The following FRMD5 variants were observed in gnomAD, a reference collection of about 807,000 sequenced individuals.
The protein encoded by FRMD5 is FERM domain containing 5.
In FRMD5, 20 loss-of-function variants were observed where a neutral mutation model predicts 69.0. The observed-to-expected ratio is 0.29, with a 90% CI of 0.20 to 0.42. The LOEUF is 0.42. Among genes scored for constraint, FRMD5 ranks in the 10% least tolerant of loss-of-function variants. The pLI is 1.00. For synonymous variants in FRMD5, 271 were observed against 260.1 expected (o/e 1.04, Z -0.40); for missense variants, 595 against 708.6 (o/e 0.84, Z 1.82).
chr15:43,963,167 G>A (rs1460478980), intron 1 of FRMD5, among the ~76,000 whole-genome samples: 1 of 151,988 alleles, frequency 6.6e-6, no homozygotes, highest in Non-Finnish European at 1.5e-5. Flanking sequence ...TCTGACAAAG[G>A]GCTAATATCC....
intron 1 of FRMD5, among the ~76,000 whole-genome samples, chr15:44,136,007 G>T (rs989688849): frequency 2.0e-5 from 3 of 151,842 alleles, no homozygotes; most frequent in Non-Finnish European, 2.9e-5. Flanking sequence ...TTATTAAATA[G>T]AACATTTCCC....
intron 1 of FRMD5, among the ~76,000 whole-genome samples, chr15:44,128,842 AG>A (rs901127089): frequency 6.6e-6 from 1 of 152,132 alleles, no homozygotes; most frequent in African/African-American, 2.4e-5. Flanking sequence ...GCTAAAAAAA[AG>A]AAAAAGAAAA....
rs770217527 is a variant in FRMD5, at chr15:44,158,511, C to T, written c.102+36442G>A. On this transcript the variant is annotated intron_variant, in intron 1 of 13. Transcript: ENST00000417257. ...TATTTAAGACCACATATATTTTCAGCTTTTTGTAAAATTTTTACTCTTCCT... is the reference window on the plus strand; with the variant it reads ...TATTTAAGACCACATATATTTTCAGTTTTTTGTAAAATTTTTACTCTTCCT... Among the ~76,000 whole-genome samples, 7 of 152,114 alleles carry T rather than the reference C, an allele frequency of 4.6e-5. 1 individual carries two copies. Among genetic ancestry groups the T allele is most frequent in the Non-Finnish European group, 8.8e-5 (6 of 67,998 alleles).
chr15:44,017,751 G>A (rs1417696548), intron 1 of FRMD5, among the ~76,000 whole-genome samples: 2 of 151,436 alleles, frequency 1.3e-5, no homozygotes, highest in African/African-American at 2.4e-5. Context: ...GACTACAGGC[G>A]CCCGCCACCA....
intron 1 of FRMD5, among the ~76,000 whole-genome samples, chr15:43,939,591 T>G (rs908838461): frequency 6.6e-6 from 1 of 151,646 alleles, no homozygotes; most frequent in Non-Finnish European, 1.5e-5. Flanking sequence ...AGGTTCTCAC[T>G]CTGTCACCCA....
intron 1 of FRMD5, among the ~76,000 whole-genome samples, chr15:44,072,603 G>T (rs779440912): frequency 6.6e-6 from 1 of 152,064 alleles, no homozygotes; most frequent in Non-Finnish European, 1.5e-5. Flanking sequence ...GAAAGTTCTG[G>T]ATGTTTTTGC....
At chr15:44,113,037 C>T (rs1261727141) in intron 1 of FRMD5, among the ~76,000 whole-genome samples, 1 of 152,198 alleles carries the variant, frequency 6.6e-6, no homozygotes, top group African/African-American at 2.4e-5. Context: ...AATGGTTCTA[C>T]ATAAAACCTT....
At chr15:43,989,948 A>C in intron 1 of FRMD5, 1 of 1,133,840 alleles carries the variant, frequency 8.8e-7, no homozygotes, top group Non-Finnish European at 1.3e-6. Context: ...ATGTCGTCCC[A>C]GGTGGTGACA....
rs528413955 is a variant in FRMD5, at chr15:44,133,767, C to G, written c.102+61186G>C. 1.4e-4 allele frequency among the ~76,000 whole-genome samples: 22 copies of G among 151,816 alleles called. No homozygotes were observed. The South Asian group carries it at 4.4e-3, about 30-fold the overall frequency. On this transcript the variant is annotated intron_variant, in intron 1 of 13. Transcript: ENST00000417257. ...AAACTCTAGGAAAAAGAAGAAGAAG[C>G]CTATATAAAATTCAAGTATTTAATC...
chr15:44,067,681 G>A (rs985961703), intron 1 of FRMD5, among the ~76,000 whole-genome samples: 7 of 151,954 alleles, frequency 4.6e-5, no homozygotes, highest in African/African-American at 1.5e-4. Flanking sequence ...ACCTAATCAC[G>A]CCTAAAGGCC....
chr15:44,142,102 G>C (rs8039970), intron 1 of FRMD5, among the ~76,000 whole-genome samples: 2 of 151,972 alleles, frequency 1.3e-5, no homozygotes, highest in Non-Finnish European at 2.9e-5. Context: ...TCTATAGAAG[G>C]CTTCATCCAA....
intron 1 of FRMD5, among the ~76,000 whole-genome samples, chr15:44,157,128 C>T (rs1468263424): frequency 1.3e-5 from 2 of 152,258 alleles, no homozygotes; most frequent in Non-Finnish European, 2.9e-5. Context: ...TAAATACATA[C>T]AATAATTTTT....
chr15:43,884,627 G>T, intron 12 of FRMD5, 100 bp downstream of exon 12: 1 of 1,012,496 alleles, frequency 9.9e-7, no homozygotes, highest in Non-Finnish European at 1.5e-6. Flanking sequence ...GGACTTTTTG[G>T]TAGCCACTGG....
chr15:44,186,064 A>T (rs1055362792), intron 1 of FRMD5, among the ~76,000 whole-genome samples: 3 of 152,030 alleles, frequency 2.0e-5, no homozygotes, highest in African/African-American at 7.2e-5. Context: ...AGTAGCTGGG[A>T]TTACAGGCAT....
intron 4 of FRMD5, among the ~76,000 whole-genome samples, chr15:43,915,708 C>G (rs185435414): frequency 2.0e-5 from 3 of 152,256 alleles, no homozygotes; most frequent in African/African-American, 7.2e-5. Flanking sequence ...CTAAATTTAT[C>G]ATCTGGGAAG....
chr15:44,017,023 G>T (rs569656892), intron 1 of FRMD5, among the ~76,000 whole-genome samples: 21 of 152,022 alleles, frequency 1.4e-4, no homozygotes, highest in Non-Finnish European at 2.5e-4. Context: ...GCCCACCTCA[G>T]CCTCCCAAAG....
chr15:43,983,879 T>C (rs1000719229), intron 1 of FRMD5, among the ~76,000 whole-genome samples: 2 of 152,162 alleles, frequency 1.3e-5, no homozygotes, highest in African/African-American at 4.8e-5. Context: ...AGGCAGCAAG[T>C]GCTAGAGAAA....
At chr15:43,974,830 T>A (rs1022393137) in intron 1 of FRMD5, among the ~76,000 whole-genome samples, 1 of 152,144 alleles carries the variant, frequency 6.6e-6, no homozygotes, top group Non-Finnish European at 1.5e-5. Context: ...GAAACAAAAA[T>A]TTTTCAAGAA....
intron 4 of FRMD5, 24 bp downstream of exon 4, chr15:43,919,435 C>T: frequency 6.2e-7 from 1 of 1,606,590 alleles, no homozygotes; most frequent in Non-Finnish European, 8.5e-7. Flanking sequence ...GTCCTAATGG[C>T]TGCGGGAAGC....
Sources: allele counts gnomAD v4.1 joint callset (sites outside exome capture counted in the v4.1 genomes callset), GRCh38; gene constraint gnomAD v4.1.1; transcripts MANE v1.5; gene names NCBI Gene and HGNC (gene_info 2026-07-23, HGNC 2026-07-21).